ATP9A: variants seen among roughly 807,000 people sequenced by gnomAD.
ATP9A encodes ATPase phospholipid transporting 9A, also known as probable phospholipid-transporting ATPase IIA.
In ATP9A, 52 loss-of-function variants were observed where a neutral mutation model predicts 144.1. The observed-to-expected ratio is 0.36, with a 90% CI of 0.29 to 0.45. The LOEUF (loss-of-function observed/expected upper bound fraction) is 0.45. ATP9A is among the 20% of genes least tolerant of loss of function. ATP9A has a pLI of 1.00. For missense variants in ATP9A, 947 were observed against 1,392.7 expected (o/e 0.68, Z 5.09); for synonymous variants, 582 against 557.4 (o/e 1.04, Z -0.62).
At chr20:51,766,544 T>A (rs1383074241) in intron 1 of ATP9A, among the ~76,000 whole-genome samples, 1 of 152,136 alleles carries the variant, frequency 6.6e-6, no homozygotes, top group Non-Finnish European at 1.5e-5. Flanking sequence ...TCAATTGTCA[T>A]CATTAAAACG....
chr20:51,686,683 C>T (rs1273816797), intron 9 of ATP9A, among the ~76,000 whole-genome samples: 1 of 152,144 alleles, frequency 6.6e-6, no homozygotes, highest in Non-Finnish European at 1.5e-5. Context: ...GCCTGTAACC[C>T]CAGCACTTTG....
intron 3 of ATP9A, among the ~76,000 whole-genome samples, chr20:51,722,274 T>C (rs878858270): frequency 6.6e-6 from 1 of 152,200 alleles, no homozygotes; most frequent in South Asian, 2.1e-4. Flanking sequence ...TTCTAGACAT[T>C]GGCTTAGGCA....
chr20:51,622,643 C>T (rs547610756), intron 18 of ATP9A, among the ~76,000 whole-genome samples: 12 of 152,128 alleles, frequency 7.9e-5, no homozygotes, highest in African/African-American at 2.4e-4. Flanking sequence ...AAACGCTGAC[C>T]GTAAATGAGT....
intron 1 of ATP9A, chr20:51,734,744 C>A: frequency 4.8e-6 from 1 of 206,622 alleles, no homozygotes; most frequent in South Asian, 8.8e-5. Flanking sequence ...TGCACTTTGC[C>A]AAGAAGTACA....
At chr20:51,652,782 G>C (rs1290798652) in intron 14 of ATP9A, among the ~76,000 whole-genome samples, 1 of 151,992 alleles carries the variant, frequency 6.6e-6, no homozygotes, top group Non-Finnish European at 1.5e-5. Context: ...TAAAATAACT[G>C]TGCAATACAA....
chr20:51,651,856 G>A (rs529753223), intron 14 of ATP9A, among the ~76,000 whole-genome samples: 17 of 152,210 alleles, frequency 1.1e-4, no homozygotes, highest in African/African-American at 4.1e-4. Flanking sequence ...TTGAACCCGG[G>A]AGGCGGAGAT....
intron 4 of ATP9A, among the ~76,000 whole-genome samples, chr20:51,712,302 C>T (rs747182234): frequency 5.3e-5 from 8 of 151,996 alleles, no homozygotes; most frequent in Non-Finnish European, 1.0e-4. Context: ...TCTCGATCTC[C>T]GGACCTTGTG....
chr20:51,759,137 C>T (rs1209565594), intron 1 of ATP9A, among the ~76,000 whole-genome samples: 1 of 152,180 alleles, frequency 6.6e-6, no homozygotes, highest in Admixed American at 6.5e-5. Context: ...TGCAGCTGGG[C>T]GCTGGCAGAG....
At chr20:51,752,031 G>A (rs2077834463) in intron 1 of ATP9A, among the ~76,000 whole-genome samples, 1 of 149,124 alleles carries the variant, frequency 6.7e-6, no homozygotes, top group Non-Finnish European at 1.5e-5. Flanking sequence ...CATTTTGTAG[G>A]TGGGCAAGGT....
intron 21 of ATP9A, 104 bp from the exon 22 acceptor site, chr20:51,617,658 G>C (rs749059154): frequency 3.5e-4 from 462 of 1,306,826 alleles, no homozygotes; most frequent in Non-Finnish European, 4.8e-4. Context: ...AGCGCTTGCT[G>C]AGTGCCTGGC....
At chr20:51,613,597 T>C in intron 23 of ATP9A, 80 bp downstream of exon 23, 2 of 1,400,718 alleles carry the variant, frequency 1.4e-6, no homozygotes, top group Non-Finnish European at 1.9e-6. Flanking sequence ...CACATGTACA[T>C]GTGCAGAGGG....
At chr20:51,644,325 T>C (rs2077333166) in intron 14 of ATP9A, among the ~76,000 whole-genome samples, 2 of 134,660 alleles carry the variant, frequency 1.5e-5, no homozygotes, top group Non-Finnish European at 3.1e-5. Context: ...CAGGTTGGAG[T>C]GCAGTGGCGC....
Position 51,685,025 on chromosome 20 carries a change from A to T in ATP9A, c.799+4039T>A, listed in dbSNP as rs867419454. 6.6e-3 allele frequency among the ~76,000 whole-genome samples: 993 copies of T among 149,490 alleles called. 6 individuals are homozygous for T. The highest frequency in any genetic ancestry group is 0.015 in the African/African-American group (607 of 40,932). ...GACTCCATCTCCAAAAATAAAAAAAAAAAAAAAAAAAAAAATACAAATAAA... is the reference window on the plus strand; with the variant it reads ...GACTCCATCTCCAAAAATAAAAAAATAAAAAAAAAAAAAAATACAAATAAA... On this transcript the variant is annotated intron_variant, in intron 9 of 27. Coordinates refer to ENST00000338821, the MANE Select transcript of ATP9A (RefSeq NM_006045.3).
At chr20:51,619,169 G>T in intron 19 of ATP9A, 126 bp from the exon 20 acceptor site, 1 of 706,596 alleles carries the variant, frequency 1.4e-6, no homozygotes, top group Non-Finnish European at 2.4e-6. Context: ...CCCCTCCCCT[G>T]CCACCAGAGG....
At chr20:51,673,665 G>A (rs1301394800) in intron 11 of ATP9A, among the ~76,000 whole-genome samples, 1 of 152,138 alleles carries the variant, frequency 6.6e-6, no homozygotes, top group Admixed American at 6.6e-5. Flanking sequence ...GATGGCTTGT[G>A]GAGGAATGTG....
intron 7 of ATP9A, among the ~76,000 whole-genome samples, chr20:51,693,333 A>C (rs1291732049): frequency 6.6e-6 from 1 of 152,118 alleles, no homozygotes. Context: ...CAGTGGAGGA[A>C]ATGGCAACAG....
At position 51,601,101 on chromosome 20, in the gene ATP9A, G is replaced by A; in HGVS notation, c.*110C>T. 3.0e-6 allele frequency: 4 copies of A among 1,334,982 alleles called. No homozygotes were observed. The highest frequency in any genetic ancestry group is 4.0e-6 in the Non-Finnish European group (4 of 988,022). 82.7% of individuals were successfully genotyped at this position (1,334,982 alleles called of 1,614,324 possible). ...GAGCCACTTCCCATTAAAACTGCAT[G>A]TGTTAGCAATTACTGCAAAATCCAC... On this transcript the variant is annotated 3_prime_UTR_variant, in exon 28 of 28. Transcript: ENST00000338821.
intron 11 of ATP9A, among the ~76,000 whole-genome samples, chr20:51,671,791 A>G (rs1294684866): frequency 6.6e-6 from 1 of 151,430 alleles, no homozygotes; most frequent in Admixed American, 6.6e-5. Context: ...TTACATTTCT[A>G]TGAATTTGAC....
intron 22 of ATP9A, among the ~76,000 whole-genome samples, chr20:51,614,061 C>T (rs1194021135): frequency 6.6e-6 from 1 of 152,106 alleles, no homozygotes; most frequent in Admixed American, 6.5e-5. Flanking sequence ...ATAATTTGGA[C>T]GTCAAGTGGA....
Sources: allele counts gnomAD v4.1 joint callset (sites outside exome capture counted in the v4.1 genomes callset), GRCh38; gene constraint gnomAD v4.1.1; transcripts MANE v1.5; gene names NCBI Gene and HGNC (gene_info 2026-07-23, HGNC 2026-07-21).